EIF2AK1: variants seen among roughly 807,000 people sequenced by gnomAD.
The protein encoded by EIF2AK1 is eukaryotic translation initiation factor 2 alpha kinase 1.
A neutral mutation model predicts 77.9 loss-of-function variants in EIF2AK1; 54 were observed. The observed-to-expected ratio is 0.69, with a 90% confidence interval of 0.56 to 0.87. The LOEUF is 0.87. Ranked by LOEUF, EIF2AK1 falls within the 40% of genes least tolerant of loss-of-function variation. The pLI, the probability that EIF2AK1 is intolerant of heterozygous loss-of-function variation, is 0.00. For missense variants in EIF2AK1, 810 were observed against 768.6 expected (o/e 1.05, Z -0.64); for synonymous variants, 314 against 290.5 (o/e 1.08, Z -0.82).
chr7:6,037,532 T>TA lies in EIF2AK1; in HGVS notation c.1232-9dup, dbSNP rs199880457. 3.4e-4 allele frequency: 524 copies of TA among 1,525,312 alleles called. No individual in the cohort carries two copies. The highest frequency in any genetic ancestry group is 3.8e-4 in the African/African-American group (27 of 71,384). 94.5% of individuals were successfully genotyped at this position (1,525,312 alleles called of 1,614,324 possible). ...TGGCCATAACATAAGGACCTTGAAG[T>TA]AAAAAAAAATAGTTTTATTTCTCTA... On this transcript the variant is annotated splice_polypyrimidine_tract_variant and intron_variant, in intron 10 of 14. Coordinates refer to ENST00000199389, the MANE Select transcript of EIF2AK1 (RefSeq NM_014413.4).
Position 6,027,739 on chromosome 7 carries a change from G to A in EIF2AK1, c.1531-778C>T, listed in dbSNP as rs1024679396. Among the ~76,000 whole-genome samples, 1 of 152,004 alleles carries A rather than the reference G, an allele frequency of 6.6e-6. No individual in the cohort carries two copies. Among genetic ancestry groups the A allele is most frequent in the Non-Finnish European group, 1.5e-5 (1 of 68,010 alleles). On this transcript the variant is annotated intron_variant, in intron 13 of 14. Coordinates refer to ENST00000199389, the MANE Select transcript of EIF2AK1 (RefSeq NM_014413.4). The surrounding 1 kb of genome is among the most constrained non-coding windows in gnomAD (Gnocchi z 4.5). ...TCCATGAATTCTAGCTTCCTGAGGT[G>A]AACAGTGATGTTTTAAAGGGAAAGC...
At position 6,023,918 on chromosome 7, in the gene EIF2AK1, G is replaced by T. The variant is rs557188645; in HGVS notation, c.*755C>A. 74 of 1,480,658 alleles carry T rather than the reference G, an allele frequency of 5.0e-5. 1 individual carries two copies. Among genetic ancestry groups the T allele is most frequent in the Middle Eastern group, 3.5e-4 (2 of 5,672 alleles). 91.7% of individuals were successfully genotyped at this position (1,480,658 alleles called of 1,614,324 possible). On this transcript the variant is annotated 3_prime_UTR_variant, in exon 15 of 15. Transcript: ENST00000199389. ...CAACTCCATGGCAGACCCTTTCTGG[G>T]ATTCAAAAACCAATTCATCAGATCG...
intron 11 of EIF2AK1, chr7:6,031,732 A>T (rs113609540): frequency 1.2e-6 from 1 of 821,214 alleles, no homozygotes; most frequent in Non-Finnish European, 1.9e-6. Context: ...CACACACTGC[A>T]GTGCTCCCCA....
At position 6,032,955 on chromosome 7, in the gene EIF2AK1, A is replaced by C. The variant is rs1787960152; in HGVS notation, c.1333-3923T>G. 12 of 1,539,672 alleles carry C rather than the reference A, an allele frequency of 7.8e-6. No homozygotes were observed. Among genetic ancestry groups the C allele is most frequent in the Non-Finnish European group, 9.7e-6 (11 of 1,137,848 alleles). On this transcript the variant is annotated intron_variant, in intron 11 of 14. Coordinates refer to ENST00000199389, the MANE Select transcript of EIF2AK1 (RefSeq NM_014413.4). This position sits in a 1 kb window ranked among gnomAD's most constrained non-coding sequence, Gnocchi z 4.3. ...AAGTCAGGTAAGTTAACTCCACCGA[A>C]AATCATTTCTTTTTTTTTCTTTTTT...
At chr7:6,044,349 T>C (rs539767797) in intron 7 of EIF2AK1, among the ~76,000 whole-genome samples, 1 of 151,722 alleles carries the variant, frequency 6.6e-6, no homozygotes, top group South Asian at 2.1e-4. Context: ...CGGGCACCTG[T>C]AGCCCCAGCT....
chr7:6,047,346 G>C (rs1583493839), intron 4 of EIF2AK1: 5 of 540,478 alleles, frequency 9.3e-6, no homozygotes, highest in Non-Finnish European at 1.7e-5. Flanking sequence ...ATCACTAACA[G>C]CCAGCAGTTG....
chr7:6,030,539 G>T (rs189675498), intron 11 of EIF2AK1, among the ~76,000 whole-genome samples: 2 of 152,080 alleles, frequency 1.3e-5, no homozygotes, highest in East Asian at 3.9e-4. Context: ...TTGCTGTGTC[G>T]CCAGGCTGGA....
intron 11 of EIF2AK1, among the ~76,000 whole-genome samples, chr7:6,034,778 G>A (rs553306378): frequency 1.5e-4 from 23 of 152,262 alleles, no homozygotes; most frequent in Admixed American, 6.5e-5. Context: ...TTTTGAAAGC[G>A]CTTCTGAGAT....
chr7:6,038,643 T>C lies in EIF2AK1; in HGVS notation c.1148A>G (p.Gln383Arg), dbSNP rs1280252703. 1.9e-6 allele frequency: 3 copies of C among 1,613,016 alleles called. No individual in the cohort carries two copies. The highest frequency in any genetic ancestry group is 1.3e-5 in the African/African-American group (1 of 74,860). The change falls in exon 10 of 15, where the codon CAG becomes CGG. Residue 383 changes from glutamine to arginine, a missense_variant. By Grantham distance (43) the Gln-to-Arg change is conservative. Transcript: ENST00000199389. ...CAGCGAGAGCTCACACAGCTGCATC[T>C]GGATGTGCAGCATCAGGTGGTACTG... ...EAQYHLMLHI[Q>R]MQLCELSLWD...
chr7:6,036,314 C>G lies in EIF2AK1; in HGVS notation c.1332+1110G>C. 1 of 1,545,614 alleles carries G rather than the reference C, an allele frequency of 6.5e-7. No individual in the cohort carries two copies. Among genetic ancestry groups the G allele is most frequent in the Non-Finnish European group, 8.7e-7 (1 of 1,145,462 alleles). The stretch of plus-strand genomic sequence containing the variant: ...TTTATGGTGAGAAATACAAACAGCA[C>G]TTGAAGCAATTCCTCCCAGTGACAA... On this transcript the variant is annotated intron_variant, in intron 11 of 14. Transcript: ENST00000199389. This position sits in a 1 kb window ranked among gnomAD's most constrained non-coding sequence, Gnocchi z 4.6.
intron 1 of EIF2AK1, among the ~76,000 whole-genome samples, chr7:6,058,700 G>A (rs118074882): frequency 0.013 from 2,012 of 152,344 alleles, 27 homozygotes; most frequent in Middle Eastern, 0.058. Context: ...CCAGCCATCC[G>A]AAGGCCTCAG....
At position 6,035,808 on chromosome 7, in the gene EIF2AK1, G is replaced by A. The variant is rs1188536115; in HGVS notation, c.1332+1616C>T. On this transcript the variant is annotated intron_variant, in intron 11 of 14. Coordinates refer to ENST00000199389, the MANE Select transcript of EIF2AK1 (RefSeq NM_014413.4). This position sits in a 1 kb window ranked among gnomAD's most constrained non-coding sequence, Gnocchi z 5.5. ...AACGCTCATTGCCTATGGAGCAAACGTCAACTGTGCTGTCTCTTCCACGGG... is the reference window on the plus strand; with the variant it reads ...AACGCTCATTGCCTATGGAGCAAACATCAACTGTGCTGTCTCTTCCACGGG... 5.8e-6 allele frequency: 9 copies of A among 1,550,598 alleles called. No homozygotes were observed. Among genetic ancestry groups the A allele is most frequent in the East Asian group, 2.4e-5 (1 of 40,934 alleles).
At position 6,044,614 on chromosome 7, in the gene EIF2AK1, A is replaced by G. The variant is rs1029123585; in HGVS notation, c.678T>C (p.Ile226=). 2 of 1,614,078 alleles carry G rather than the reference A, an allele frequency of 1.2e-6. No homozygotes were observed. The highest frequency in any genetic ancestry group is 1.7e-6 in the Non-Finnish European group (2 of 1,180,004). The change falls in exon 7 of 15, where the codon ATT becomes ATC. Residue 226 remains isoleucine (I), a synonymous_variant. Transcript: ENST00000199389. ...CTATCCACGCGGTGTGATAGCCAAC[A>G]ATATTGGGGTGCTGAAGACCTGCCA... ...KVLAGLQHPN[I]VGYHTAWIEH...
intron 9 of EIF2AK1, 118 bp downstream of exon 9, chr7:6,040,774 G>A: frequency 1.2e-6 from 1 of 852,198 alleles, no homozygotes. Flanking sequence ...AACATGGCCA[G>A]TACAAGAGAC....
Position 6,029,007 on chromosome 7 carries a change from G to A in EIF2AK1, c.1358C>T (p.Pro453Leu). Reference protein sequence around the residue: ...LKPRNIFLHGPDQQVKIGDFG... With the variant: ...LKPRNIFLHGLDQQVKIGDFG... Reference sequence around the variant, plus strand: ...GTCTCCTATTTTTACTTGCTGATCAGGGCCATGAAGAAAAATATTTCTTGG... The same window carrying A: ...GTCTCCTATTTTTACTTGCTGATCAAGGCCATGAAGAAAAATATTTCTTGG... Residue 453 changes from proline to leucine, a missense_variant, in exon 12 of 15, where the codon CCT (proline) becomes CTT (leucine). Pro to Leu is a moderately conservative substitution (Grantham distance 98). Transcript: ENST00000199389. 6.2e-7 allele frequency: 1 copy of A among 1,611,326 alleles called. No homozygotes were observed. The highest frequency in any genetic ancestry group is 8.5e-7 in the Non-Finnish European group (1 of 1,179,462).
chr7:6,049,785 C>G (rs1788553220), intron 3 of EIF2AK1, 127 bp downstream of exon 3: 2 of 909,654 alleles, frequency 2.2e-6, no homozygotes, highest in Admixed American at 2.8e-5. Context: ...CACCACCATG[C>G]CTGGCCTAGA....
At chr7:6,052,494 A>G (rs1403290975) in intron 2 of EIF2AK1, among the ~76,000 whole-genome samples, 4 of 149,648 alleles carry the variant, frequency 2.7e-5, no homozygotes, top group African/African-American at 9.8e-5. Context: ...TGTCCCATCA[A>G]GTTTATCAAA....
In EIF2AK1 at chr7:6,036,050, A is replaced by T. The variant is rs1319271907; in HGVS notation, c.1332+1374T>A. 1 of 1,551,106 alleles carries T rather than the reference A, an allele frequency of 6.4e-7. No individual in the cohort carries two copies. Among genetic ancestry groups the T allele is most frequent in the South Asian group, 1.2e-5 (1 of 84,058 alleles). ...AATTTGAAGCAAATGTTAACATTTT[A>T]ACAAGAAACGGGGAATCTCCAATTT... On this transcript the variant is annotated intron_variant, in intron 11 of 14. Transcript: ENST00000199389. The surrounding 1 kb of genome is among the most constrained non-coding windows in gnomAD (Gnocchi z 4.6).
At chr7:6,030,568 G>C in intron 11 of EIF2AK1, among the ~76,000 whole-genome samples, 2 of 152,160 alleles carry the variant, frequency 1.3e-5, no homozygotes, top group Middle Eastern at 6.8e-3. Context: ...GTGCCATCTC[G>C]GCTCACTGTA....
Sources: gnomAD v4.1 joint callset for allele counts (sites outside exome capture counted in the v4.1 genomes callset) on GRCh38, gnomAD v4.1.1 for gene constraint, Gnocchi (gnomAD v3.1) non-coding constraint, MANE v1.5 for transcripts, NCBI Gene and HGNC (gene_info 2026-07-23, HGNC 2026-07-21) for gene names.